Variants in LRMDA observed in about 807,000 individuals in gnomAD.
The protein encoded by LRMDA is leucine-rich melanocyte differentiation-associated protein.
LRMDA carries 18 observed loss-of-function variants against 29.8 expected under a neutral mutation model. The observed-to-expected ratio is 0.60, with a 90% CI of 0.42 to 0.90. The LOEUF is 0.90. Among genes scored for constraint, LRMDA ranks in the 40% least tolerant of loss-of-function variants. LRMDA has a pLI of 0.00. For missense variants in LRMDA, 273 were observed against 273.9 expected (o/e 1.00, Z 0.02); for synonymous variants, 125 against 109.4 (o/e 1.14, Z -0.89).
At chr10:76,137,802 A>G (rs1018419050) in intron 5 of LRMDA, among the ~76,000 whole-genome samples, 2 of 151,286 alleles carry the variant, frequency 1.3e-5, no homozygotes, top group African/African-American at 4.9e-5. Flanking sequence ...AAAAAACCCT[A>G]AACTTTGACT....
intron 2 of LRMDA, among the ~76,000 whole-genome samples, chr10:75,937,538 C>T (rs972634162): frequency 6.6e-6 from 1 of 152,134 alleles, no homozygotes; most frequent in Non-Finnish European, 1.5e-5. Context: ...GCAACACTGC[C>T]CCCCGTAACT....
intron 5 of LRMDA, among the ~76,000 whole-genome samples, chr10:76,246,026 A>G (rs1244455635): frequency 2.0e-5 from 3 of 152,184 alleles, no homozygotes; most frequent in East Asian, 3.9e-4. Context: ...TGTTTTCTCA[A>G]TTGTCACCAT....
Position 76,310,042 on chromosome 10 carries a change from G to A in LRMDA, c.517-14359G>A, listed in dbSNP as rs544504245. 2.6e-5 allele frequency among the ~76,000 whole-genome samples: 4 copies of A among 152,242 alleles called. No individual in the cohort carries two copies. In the South Asian group the frequency reaches 8.3e-4, roughly 32 times the overall value. On this transcript the variant is annotated intron_variant, in intron 5 of 6. Coordinates refer to ENST00000611255, the MANE Select transcript of LRMDA (RefSeq NM_001305581.2). ...TGAAAAGACTTTATTCCTTTTAAGT[G>A]CAATTTAGACTGTAATTTTTTTCCT...
chr10:75,666,427 T>C (rs1473987491), intron 2 of LRMDA, among the ~76,000 whole-genome samples: 1 of 151,920 alleles, frequency 6.6e-6, no homozygotes, highest in Non-Finnish European at 1.5e-5. Context: ...ATATAAACTA[T>C]ATTACCTTTC....
chr10:76,222,343 T>C (rs1361801782), intron 5 of LRMDA, among the ~76,000 whole-genome samples: 1 of 151,980 alleles, frequency 6.6e-6, no homozygotes, highest in Non-Finnish European at 1.5e-5. Context: ...ACCTACAAAA[T>C]GGGAGAAAAT....
intron 2 of LRMDA, among the ~76,000 whole-genome samples, chr10:75,881,489 C>T (rs1845292309): frequency 1.3e-5 from 2 of 152,304 alleles, no homozygotes; most frequent in South Asian, 2.1e-4. Context: ...AATCTCTCCC[C>T]CCCACTACCC....
At chr10:76,176,842 G>T (rs1029126926) in intron 5 of LRMDA, among the ~76,000 whole-genome samples, 1 of 152,210 alleles carries the variant, frequency 6.6e-6, no homozygotes, top group African/African-American at 2.4e-5. Flanking sequence ...CCCAAGAGGG[G>T]TTACAGGTAA....
At chr10:76,146,877 C>T (rs1162362800) in intron 5 of LRMDA, among the ~76,000 whole-genome samples, 4 of 152,114 alleles carry the variant, frequency 2.6e-5, no homozygotes, top group Non-Finnish European at 5.9e-5. Flanking sequence ...TTAGGGCAGG[C>T]CTGCTGGTGA....
chr10:76,392,425 T>C (rs543485297), intron 6 of LRMDA, among the ~76,000 whole-genome samples: 1 of 152,264 alleles, frequency 6.6e-6, no homozygotes, highest in East Asian at 1.9e-4. Flanking sequence ...TAATACAGAT[T>C]GAGTATCCCT....
At chr10:76,273,230 G>A (rs11819487) in intron 5 of LRMDA, among the ~76,000 whole-genome samples, 61,408 of 151,864 alleles carry the variant, frequency 0.4, 12,974 homozygotes, top group South Asian at 0.59. Context: ...CTGGCTTCAT[G>A]GAAAGCTGTA....
chr10:76,276,270 G>T (rs1269360309), intron 5 of LRMDA, among the ~76,000 whole-genome samples: 2 of 151,908 alleles, frequency 1.3e-5, no homozygotes, highest in African/African-American at 4.8e-5. Context: ...CTCCCTAGTA[G>T]CTGGGTCTAC....
intron 6 of LRMDA, among the ~76,000 whole-genome samples, chr10:76,381,464 A>G (rs1841591168): frequency 1.3e-5 from 2 of 152,272 alleles, no homozygotes; most frequent in South Asian, 4.2e-4. Flanking sequence ...TTAGAAAATG[A>G]TGCTTATATT....
At chr10:76,011,840 A>G (rs1847787547) in intron 2 of LRMDA, among the ~76,000 whole-genome samples, 1 of 152,106 alleles carries the variant, frequency 6.6e-6, no homozygotes, top group African/African-American at 2.4e-5. Flanking sequence ...CTCTGAGGGG[A>G]GATGCATAGG....
At chr10:75,812,181 G>A (rs1843976252) in intron 2 of LRMDA, among the ~76,000 whole-genome samples, 1 of 132,372 alleles carries the variant, frequency 7.6e-6, no homozygotes, top group Admixed American at 8.4e-5. Flanking sequence ...TTTGTATCAG[G>A]GAATCAATAA....
At chr10:76,079,719 T>C (rs953825214) in intron 5 of LRMDA, among the ~76,000 whole-genome samples, 6 of 152,242 alleles carry the variant, frequency 3.9e-5, no homozygotes, top group African/African-American at 1.4e-4. Context: ...CATCAGAAGC[T>C]AGACCATGGC....
chr10:75,655,468 C>T (rs1220595792), intron 2 of LRMDA, among the ~76,000 whole-genome samples: 1 of 152,222 alleles, frequency 6.6e-6, no homozygotes, highest in African/African-American at 2.4e-5. Flanking sequence ...ATGTGGAGAC[C>T]ATCAGGAGAC....
At chr10:76,053,154 T>C (rs1848557488) in intron 4 of LRMDA, among the ~76,000 whole-genome samples, 1 of 152,164 alleles carries the variant, frequency 6.6e-6, no homozygotes, top group South Asian at 2.1e-4. Context: ...GCAAACCCTA[T>C]TCCCGATAGC....
At chr10:76,239,248 C>A (rs1190966708) in intron 5 of LRMDA, among the ~76,000 whole-genome samples, 1 of 152,098 alleles carries the variant, frequency 6.6e-6, no homozygotes, top group Non-Finnish European at 1.5e-5. Flanking sequence ...CCTTCTCCCC[C>A]AATCCTAACC....
At chr10:76,275,283 G>A (rs1840117007) in intron 5 of LRMDA, among the ~76,000 whole-genome samples, 1 of 151,904 alleles carries the variant, frequency 6.6e-6, no homozygotes, top group African/African-American at 2.4e-5. Flanking sequence ...CCATCTGGTT[G>A]TCTAGAGATT....
Sources: gnomAD v4.1 joint callset for allele counts (sites outside exome capture counted in the v4.1 genomes callset) on GRCh38, gnomAD v4.1.1 for gene constraint, MANE v1.5 for transcripts, NCBI Gene and HGNC (gene_info 2026-07-23, HGNC 2026-07-21) for gene names.